The following IL20RB variants were observed in gnomAD, a reference collection of about 807,000 sequenced individuals.
The protein encoded by IL20RB is interleukin-20 receptor subunit beta.
A neutral mutation model predicts 33.3 loss-of-function variants in IL20RB; 21 were observed. That is an observed-to-expected ratio of 0.63 (90% CI 0.45 to 0.91). IL20RB has a LOEUF of 0.91. IL20RB is among the 40% of genes least tolerant of loss of function. The pLI is 0.00. For missense variants in IL20RB, 345 were observed against 384.8 expected (o/e 0.90, Z 0.86); for synonymous variants, 147 against 146.8 (o/e 1.00, Z -0.01).
chr3:136,997,523 G>A (rs1482392069), intron 6 of IL20RB, among the ~76,000 whole-genome samples: 3 of 149,058 alleles, frequency 2.0e-5, no homozygotes, highest in East Asian at 2.0e-4. Flanking sequence ...TTATCATTAT[G>A]ATATGTTCTT....
At chr3:137,008,173 A>C (rs560027179) in intron 6 of IL20RB, among the ~76,000 whole-genome samples, 1 of 152,242 alleles carries the variant, frequency 6.6e-6, no homozygotes, top group Admixed American at 6.5e-5. Context: ...ATGGTCCCAA[A>C]TTAGTAATTC....
intron 1 of IL20RB, among the ~76,000 whole-genome samples, chr3:136,978,813 A>G (rs977572948): frequency 7.9e-5 from 12 of 152,120 alleles, no homozygotes; most frequent in African/African-American, 2.7e-4. Flanking sequence ...GTTCTTTCCT[A>G]TTCTATGTTT....
At chr3:136,982,134 ACT>A (rs1315484500) in intron 2 of IL20RB, 24 bp from the exon 3 acceptor site, 1 of 1,511,764 alleles carries the variant, frequency 6.6e-7, no homozygotes, top group Admixed American at 1.9e-5. Context: ...GGCTGGTGTA[ACT>A]CTGTGCCCTC....
Position 137,010,380 on chromosome 3 carries a change from G to A in IL20RB, c.*157G>A. On this transcript the variant is annotated 3_prime_UTR_variant, in exon 7 of 7. Transcript: ENST00000329582. ...AGTCTAGAAGCAACCATCAGAGGCA[G>A]GGTGGTTTGTCTAACAGAACACTGA... 6.9e-6 allele frequency: 4 copies of A among 578,398 alleles called. No homozygotes were observed. The South Asian group carries it at 9.1e-5, about 13-fold the overall frequency. The allele number at this position is 578,398 out of a possible 1,614,324, so 35.8% of individuals were successfully genotyped here.
chr3:136,988,001 G>T (rs990222934), intron 3 of IL20RB, among the ~76,000 whole-genome samples: 3 of 152,218 alleles, frequency 2.0e-5, no homozygotes, highest in African/African-American at 7.2e-5. Flanking sequence ...GAGGGAGCCG[G>T]CTCCAGTCTT....
In IL20RB at chr3:136,990,802, G is replaced by A. The variant is rs552684891; in HGVS notation, c.532-1136G>A. Among the ~76,000 whole-genome samples the A allele has an allele frequency of 1.3e-3, 189 of 149,684 alleles. 1 individual carries two copies. Among genetic ancestry groups the A allele is most frequent in the Middle Eastern group, 0.01 (3 of 292 alleles). On this transcript the variant is annotated intron_variant, in intron 4 of 6. Coordinates refer to ENST00000329582, the MANE Select transcript of IL20RB (RefSeq NM_144717.4). ...GGTAGCTTCCCATGAAAGGTGGTGT[G>A]GGCAGGTACAACACTGGGTTTCGGT...
intron 2 of IL20RB, 91 bp downstream of exon 2, chr3:136,980,683 T>C: frequency 7.4e-7 from 1 of 1,356,774 alleles, no homozygotes; most frequent in Non-Finnish European, 1.0e-6. Flanking sequence ...GGTGGCTTTT[T>C]GAGTCCAGGG....
intron 1 of IL20RB, among the ~76,000 whole-genome samples, chr3:136,958,951 CTGTG>C (rs62670460): frequency 1.3e-5 from 2 of 151,008 alleles, no homozygotes; most frequent in African/African-American, 2.4e-5. Flanking sequence ...GTCTCACTCT[CTGTG>C]TGTGTGTGTG....
At chr3:136,994,950 T>C (rs943028662) in intron 5 of IL20RB, among the ~76,000 whole-genome samples, 1 of 152,224 alleles carries the variant, frequency 6.6e-6, no homozygotes, top group Non-Finnish European at 1.5e-5. Flanking sequence ...CTGACTGTTT[T>C]CTGAACAATT....
intron 5 of IL20RB, among the ~76,000 whole-genome samples, chr3:136,992,767 A>T (rs1395331330): frequency 2.0e-5 from 3 of 152,106 alleles, no homozygotes; most frequent in South Asian, 2.1e-4. Flanking sequence ...TTCTAAAAAA[A>T]TTTATTTTGT....
At chr3:136,990,634 T>A (rs1014002772) in intron 4 of IL20RB, among the ~76,000 whole-genome samples, 2 of 152,212 alleles carry the variant, frequency 1.3e-5, no homozygotes, top group Non-Finnish European at 2.9e-5. Context: ...TTGCTCGTCT[T>A]ATCAGGCCAA....
intron 3 of IL20RB, among the ~76,000 whole-genome samples, chr3:136,984,098 C>T (rs905743597): frequency 1.3e-5 from 2 of 152,186 alleles, no homozygotes; most frequent in Non-Finnish European, 2.9e-5. Context: ...CTCAGCCTCA[C>T]GAAGTGCTGG....
intron 1 of IL20RB, among the ~76,000 whole-genome samples, chr3:136,971,694 C>T (rs1273574585): frequency 6.6e-6 from 1 of 152,166 alleles, no homozygotes; most frequent in Non-Finnish European, 1.5e-5. Flanking sequence ...AAATAGTATT[C>T]CATTGTGTAT....
At chr3:136,976,735 G>T (rs1205641247) in intron 1 of IL20RB, among the ~76,000 whole-genome samples, 4 of 152,172 alleles carry the variant, frequency 2.6e-5, no homozygotes, top group African/African-American at 9.7e-5. Context: ...GGTGCTGCTG[G>T]CCACCAGGAT....
chr3:136,978,842 G>A (rs1313707140), intron 1 of IL20RB, among the ~76,000 whole-genome samples: 2 of 152,030 alleles, frequency 1.3e-5, no homozygotes, highest in Non-Finnish European at 2.9e-5. Context: ...ATTGCATTTT[G>A]TTGATGTTGT....
At chr3:136,987,895 A>G (rs1479755114) in intron 3 of IL20RB, among the ~76,000 whole-genome samples, 1 of 151,986 alleles carries the variant, frequency 6.6e-6, no homozygotes, top group East Asian at 1.9e-4. Context: ...GGGGCCCACC[A>G]AGCCCACGCC....
At position 137,010,394 on chromosome 3, in the gene IL20RB, A is replaced by G; in HGVS notation, c.*171A>G. The G allele has an allele frequency of 3.5e-6, 2 of 565,506 alleles. No individual in the cohort carries two copies. The allele number at this position is 565,506 out of a possible 1,614,324, so 35.0% of individuals were successfully genotyped here. A position where few individuals can be genotyped will look rare whatever the true frequency, so the allele number is the denominator to read the frequency against. On this transcript the variant is annotated 3_prime_UTR_variant, in exon 7 of 7. Coordinates refer to ENST00000329582, the MANE Select transcript of IL20RB (RefSeq NM_144717.4). ...CATCAGAGGCAGGGTGGTTTGTCTA[A>G]CAGAACACTGACTGAGGCTTAGGGG...
At chr3:136,992,249 A>C (rs943916877) in intron 5 of IL20RB, among the ~76,000 whole-genome samples, 161 bp downstream of exon 5, 3 of 152,134 alleles carry the variant, frequency 2.0e-5, no homozygotes, top group Admixed American at 6.5e-5. Flanking sequence ...ATGTTTGTGA[A>C]TCTGATTCCC....
Position 136,995,403 on chromosome 3 carries a change from T to C in IL20RB, c.683-11T>C, listed in dbSNP as rs771669572. On this transcript the variant is annotated splice_polypyrimidine_tract_variant and intron_variant, in intron 5 of 6. Transcript: ENST00000329582. ...CTGTTTTCTAAGCCTGTTTTTATCT[T>C]TTGTTTCCAGGAGAGGCCATTCCCC... 2.5e-6 allele frequency: 4 copies of C among 1,613,226 alleles called. 1 individual carries two copies. In the South Asian group the frequency reaches 4.4e-5, roughly 18 times the overall value.
Sources: allele counts gnomAD v4.1 joint callset (sites outside exome capture counted in the v4.1 genomes callset), GRCh38; gene constraint gnomAD v4.1.1; transcripts MANE v1.5; gene names NCBI Gene and HGNC (gene_info 2026-07-23, HGNC 2026-07-21).